Variants in MYO16 observed in about 807,000 individuals in gnomAD.
MYO16 encodes the protein unconventional myosin-XVI.
MYO16 carries 94 observed loss-of-function variants against 205.3 expected under a neutral mutation model. The observed-to-expected ratio is 0.46, with a 90% confidence interval of 0.39 to 0.54. The LOEUF is 0.54. Among genes scored for constraint, MYO16 ranks in the 20% least tolerant of loss-of-function variants. The probability of loss-of-function intolerance (pLI) is 0.00; values close to 1 mark genes in which losing one functional copy is unlikely to be tolerated. For missense variants in MYO16, 2,315 were observed against 2,387.5 expected (o/e 0.97, Z 0.63); for synonymous variants, 988 against 954.0 (o/e 1.04, Z -0.66).
intron 23 of MYO16, among the ~76,000 whole-genome samples, chr13:109,020,448 G>T (rs1261098749): frequency 1.3e-5 from 2 of 151,478 alleles, no homozygotes; most frequent in African/African-American, 4.8e-5. Context: ...CTAATATCAG[G>T]TTTCTCCAAG....
chr13:108,910,140 T>C lies in MYO16; in HGVS notation c.1915T>C (p.Cys639Arg). ...ATATGGACTTCATCTTAATAATTTA[T>C]GTGCACACCGGTGAGTGACTAAGTA... Reference protein sequence around the residue: ...EKYGLHLNNLCAHRYLNQTIQ... With the variant: ...EKYGLHLNNLRAHRYLNQTIQ... Residue 639 changes from cysteine (C) to arginine (R), a missense_variant, in exon 16 of 35, where the codon TGT (cysteine) becomes CGT (arginine). Physicochemically the swap from Cys to Arg is radical, Grantham distance 180. Around this residue, in one of 3 missense-constraint regions of MYO16, gnomAD observed 1,213 missense variants for 1,274.4 expected, o/e 0.95. Coordinates refer to ENST00000457511, the MANE Select transcript of MYO16 (RefSeq NM_001198950.3). 3.1e-6 allele frequency: 5 copies of C among 1,612,976 alleles called. No individual in the cohort carries two copies. Among genetic ancestry groups the C allele is most frequent in the Non-Finnish European group, 4.2e-6 (5 of 1,179,292 alleles).
intron 2 of MYO16, among the ~76,000 whole-genome samples, chr13:108,692,282 C>T (rs888946832): frequency 2.0e-5 from 3 of 152,116 alleles, no homozygotes; most frequent in Admixed American, 1.3e-4. Flanking sequence ...ACAGAAATGT[C>T]CTCAGCACTT....
intron 4 of MYO16, among the ~76,000 whole-genome samples, chr13:108,735,103 T>C (rs900719205): frequency 1.3e-5 from 2 of 152,150 alleles, no homozygotes; most frequent in Non-Finnish European, 2.9e-5. Flanking sequence ...AAGCATCTTA[T>C]AAGTTCTTTT....
At chr13:108,613,939 C>G (rs1879260930) in intron 1 of MYO16, among the ~76,000 whole-genome samples, 1 of 152,074 alleles carries the variant, frequency 6.6e-6, no homozygotes, top group Non-Finnish European at 1.5e-5. Context: ...ACTCTCTGCT[C>G]TCAACACTTC....
chr13:108,543,664 GA>G, the MYO16 span, among the ~76,000 whole-genome samples: 1 of 124,926 alleles, frequency 8.0e-6, no homozygotes, highest in Admixed American at 8.1e-5. Context: ...AAAAAAAAAA[GA>G]AAAAAATCCC....
intron 10 of MYO16, among the ~76,000 whole-genome samples, chr13:108,849,317 A>G (rs1400636622): frequency 6.6e-6 from 1 of 151,928 alleles, no homozygotes; most frequent in South Asian, 2.1e-4. Flanking sequence ...GAGCCTTCCA[A>G]GTAGCTGGGA....
At chr13:108,900,724 T>C (rs894182294) in intron 15 of MYO16, among the ~76,000 whole-genome samples, 3 of 152,134 alleles carry the variant, frequency 2.0e-5, no homozygotes, top group Non-Finnish European at 4.4e-5. Context: ...TACGAATTGT[T>C]TGTAGAGCAT....
chr13:108,897,929 G>A (rs1248287804), intron 14 of MYO16, 87 bp from the exon 15 acceptor site: 6 of 1,048,796 alleles, frequency 5.7e-6, no homozygotes, highest in Non-Finnish European at 8.8e-6. Context: ...AGACCAAGAA[G>A]TATTATTCAC....
At chr13:108,891,933 G>A (rs1240990983) in intron 14 of MYO16, among the ~76,000 whole-genome samples, 7 of 151,938 alleles carry the variant, frequency 4.6e-5, no homozygotes, top group Admixed American at 1.3e-4. Flanking sequence ...CCATGGTGGC[G>A]GTTAGTTGGC....
At chr13:108,665,216 C>T (rs538451317) in intron 1 of MYO16, among the ~76,000 whole-genome samples, 4 of 152,152 alleles carry the variant, frequency 2.6e-5, no homozygotes, top group African/African-American at 9.6e-5. Flanking sequence ...TCCAAGCAGT[C>T]GGGACTATAG....
chr13:108,518,529 C>T, the MYO16 span, among the ~76,000 whole-genome samples: 1 of 152,120 alleles, frequency 6.6e-6, no homozygotes, highest in Non-Finnish European at 1.5e-5. Flanking sequence ...TCCTGGGTAA[C>T]CTTTAAAATA....
chr13:109,108,453 G>A (rs1460244400), intron 28 of MYO16, among the ~76,000 whole-genome samples: 1 of 152,174 alleles, frequency 6.6e-6, no homozygotes, highest in Non-Finnish European at 1.5e-5. Context: ...ACTAATTGCT[G>A]ATTAAAACTG....
intron 34 of MYO16, among the ~76,000 whole-genome samples, chr13:109,187,654 G>A (rs981984700): frequency 2.6e-5 from 4 of 152,086 alleles, no homozygotes; most frequent in Non-Finnish European, 2.9e-5. Context: ...CAAGTATTTG[G>A]GGTTTTCCAG....
At chr13:108,712,005 T>G (rs1340172960) in intron 2 of MYO16, among the ~76,000 whole-genome samples, 1 of 152,190 alleles carries the variant, frequency 6.6e-6, no homozygotes, top group Non-Finnish European at 1.5e-5. Context: ...TGGAACACAA[T>G]CAATCAATCT....
intron 14 of MYO16, among the ~76,000 whole-genome samples, chr13:108,897,042 G>A (rs934689643): frequency 2.6e-5 from 4 of 151,940 alleles, no homozygotes; most frequent in South Asian, 2.1e-4. Context: ...TGGGATCAAA[G>A]CACTTAAAAA....
chr13:109,096,072 CTG>C (rs1290055598), intron 27 of MYO16, among the ~76,000 whole-genome samples: 3 of 152,224 alleles, frequency 2.0e-5, no homozygotes. Flanking sequence ...CTTTCCTCAT[CTG>C]TGTCAGCTTC....
At chr13:108,639,494 A>T (rs7984447) in intron 1 of MYO16, among the ~76,000 whole-genome samples, 3,931 of 152,158 alleles carry the variant, frequency 0.026, 167 homozygotes, top group African/African-American at 0.083. Context: ...TCTTATCAGC[A>T]CTTCAAACCT....
At chr13:108,534,503 T>C in the MYO16 span, among the ~76,000 whole-genome samples, 1 of 152,082 alleles carries the variant, frequency 6.6e-6, no homozygotes, top group Non-Finnish European at 1.5e-5. Flanking sequence ...GCATTTTTCC[T>C]GAATGTCCAC....
chr13:108,884,337 G>A (rs142573653), intron 13 of MYO16, among the ~76,000 whole-genome samples: 7 of 152,382 alleles, frequency 4.6e-5, no homozygotes, highest in East Asian at 1.9e-4. Flanking sequence ...GCATGCTAGC[G>A]GTTGTTTTCG....
Sources: gnomAD v4.1 joint callset for allele counts (sites outside exome capture counted in the v4.1 genomes callset) on GRCh38, gnomAD v4.1.1 for gene constraint, gnomAD v4.1.1 regional missense constraint, MANE v1.5 for transcripts, NCBI Gene and HGNC (gene_info 2026-07-23, HGNC 2026-07-21) for gene names.